PANX1: variants seen among roughly 807,000 people sequenced by gnomAD.
The protein encoded by PANX1 is pannexin 1, also known as pannexin-1.
In PANX1, 30 loss-of-function variants were observed where a neutral mutation model predicts 38.7. That is an observed-to-expected ratio of 0.78 (90% CI 0.58 to 1.05). The LOEUF (loss-of-function observed/expected upper bound fraction) is 1.05. Among genes scored for constraint, PANX1 ranks in the 50% least tolerant of loss-of-function variants. PANX1 has a pLI of 0.00. For missense variants in PANX1, 551 were observed against 517.2 expected (o/e 1.07, Z -0.63); for synonymous variants, 230 against 212.2 (o/e 1.08, Z -0.73).
At chr11:94,147,151 A>C (rs1946836662) in intron 1 of PANX1, among the ~76,000 whole-genome samples, 1 of 152,222 alleles carries the variant, frequency 6.6e-6, no homozygotes, top group African/African-American at 2.4e-5. Context: ...AAAATTTTCA[A>C]AATAAAATAT....
rs115472530 is a variant in PANX1, at chr11:94,180,393, C to T, written c.1201+136C>T. 1,642 of 709,374 alleles carry T rather than the reference C, an allele frequency of 2.3e-3. 15 individuals carry two copies. The African/African-American group carries it at 0.025, about 11-fold the overall frequency. The allele number at this position is 709,374 out of a possible 1,614,324, so 43.9% of individuals were successfully genotyped here. A position where few individuals can be genotyped will look rare whatever the true frequency, so the allele number is the denominator to read the frequency against. On this transcript the variant is annotated intron_variant, in intron 4 of 4. Transcript: ENST00000227638. Reference sequence around the variant, plus strand: ...CATTAAAAACCTTAATACCAAGGTGCGGGGTAGGGGGAGTGGGAACCCCTC... The same window carrying T: ...CATTAAAAACCTTAATACCAAGGTGTGGGGTAGGGGGAGTGGGAACCCCTC...
At chr11:94,153,889 A>G (rs1054678578) in intron 2 of PANX1, among the ~76,000 whole-genome samples, 9 of 152,148 alleles carry the variant, frequency 5.9e-5, no homozygotes, top group African/African-American at 2.2e-4. Flanking sequence ...GTGTCTTGAC[A>G]CCTTTATATC....
intron 1 of PANX1, among the ~76,000 whole-genome samples, chr11:94,151,214 A>G (rs979194882): frequency 2.6e-5 from 4 of 152,160 alleles, no homozygotes; most frequent in African/African-American, 9.7e-5. Context: ...AGAGCTTCAC[A>G]TGTTTCTGCC....
chr11:94,164,059 G>A (rs1270917101), intron 2 of PANX1, among the ~76,000 whole-genome samples: 1 of 151,470 alleles, frequency 6.6e-6, no homozygotes, highest in Non-Finnish European at 1.5e-5. Flanking sequence ...TTGAATTTCT[G>A]TGGTATGAAT....
intron 1 of PANX1, among the ~76,000 whole-genome samples, chr11:94,134,047 C>T (rs1946660332): frequency 6.6e-6 from 1 of 152,222 alleles, no homozygotes; most frequent in Admixed American, 6.5e-5. Flanking sequence ...GTAAAGGATG[C>T]ACATCGTCAT....
rs17856519 is a variant in PANX1, at chr11:94,129,322, G to C, written c.10G>C (p.Ala4Pro). 6.2e-7 allele frequency: 1 copy of C among 1,609,928 alleles called. No homozygotes were observed. Among genetic ancestry groups the C allele is most frequent in the Non-Finnish European group, 8.5e-7 (1 of 1,176,928 alleles). The change falls in exon 1 of 5, where the codon GCT becomes CCT. Residue 4 changes from alanine to proline, a missense_variant. By Grantham distance (27) the Ala-to-Pro change is conservative (BLOSUM62 -1). Transcript: ENST00000227638. ...CTGGCGCGCCGCAGCCATGGCCATC[G>C]CTCAACTGGCCACGGAGTACGTGTT... MAI[A>P]QLATEYVFSD...
intron 1 of PANX1, among the ~76,000 whole-genome samples, chr11:94,143,501 CTG>C (rs1165492909): frequency 4.6e-5 from 7 of 152,200 alleles, no homozygotes; most frequent in Non-Finnish European, 1.0e-4. Flanking sequence ...GAATTCTTAA[CTG>C]TGTGCTGGTA....
chr11:94,142,610 C>T (rs1226743503), intron 1 of PANX1, among the ~76,000 whole-genome samples: 3 of 152,336 alleles, frequency 2.0e-5, no homozygotes, highest in South Asian at 4.1e-4. Context: ...AGTCATTACC[C>T]TTATGTGATT....
chr11:94,181,039 G>T lies in PANX1; in HGVS notation c.*170G>T. On this transcript the variant is annotated 3_prime_UTR_variant, in exon 5 of 5. Coordinates refer to ENST00000227638, the MANE Select transcript of PANX1 (RefSeq NM_015368.4). ...GAAATGGTGATCAACAAAAGGTTAT[G>T]GAAGAATGGTTTATGAACTTCCCAT... is the stretch of plus-strand genomic sequence containing the variant. The T allele has an allele frequency of 1.7e-6, 1 of 593,392 alleles. No individual in the cohort carries two copies. 36.8% of individuals were successfully genotyped at this position (593,392 alleles called of 1,614,324 possible).
At chr11:94,158,261 G>A (rs1946979022) in intron 2 of PANX1, among the ~76,000 whole-genome samples, 1 of 151,990 alleles carries the variant, frequency 6.6e-6, no homozygotes. Context: ...GAACTTTAAA[G>A]TAGTTTTTTC....
intron 2 of PANX1, among the ~76,000 whole-genome samples, chr11:94,173,236 TG>T (rs1410889987): frequency 6.6e-6 from 1 of 151,734 alleles, no homozygotes; most frequent in African/African-American, 2.4e-5. Flanking sequence ...ATTCTCTTTT[TG>T]CCTGACCCTT....
chr11:94,156,522 C>T (rs75528027), intron 2 of PANX1, among the ~76,000 whole-genome samples: 2,115 of 152,088 alleles, frequency 0.014, 83 homozygotes, highest in East Asian at 0.14. Context: ...GAATAAGGGG[C>T]GATCCAGAAT....
chr11:94,160,102 A>G (rs556290817), intron 2 of PANX1, among the ~76,000 whole-genome samples: 3 of 152,152 alleles, frequency 2.0e-5, no homozygotes, highest in Admixed American at 6.5e-5. Context: ...ACAGTTTGTT[A>G]TAATTTCTGT....
At chr11:94,133,220 ATGGTAGGCAC>A (rs891760158) in intron 1 of PANX1, among the ~76,000 whole-genome samples, 1 of 152,204 alleles carries the variant, frequency 6.6e-6, no homozygotes, top group Non-Finnish European at 1.5e-5. Context: ...CAGGTCCTGC[ATGGTAGGCAC>A]TGGTGTGGGG....
rs576311404 is a variant in PANX1 at position 94,132,292 on chromosome 11, A to G, written c.181+2799A>G. On this transcript the variant is annotated intron_variant, in intron 1 of 4. Coordinates refer to ENST00000227638, the MANE Select transcript of PANX1 (RefSeq NM_015368.4). ...AGAAGTTGAACGCATAACCCTCCTA[A>G]TGCAGGATTCATGGAACCTGGGCAG... Among the ~76,000 whole-genome samples the G allele has an allele frequency of 4.6e-5, 7 of 152,292 alleles. 2 individuals carry two copies. The highest frequency in any genetic ancestry group is 1.7e-4 in the African/African-American group (7 of 41,564).
At chr11:94,139,286 CTAAG>C (rs541894202) in intron 1 of PANX1, among the ~76,000 whole-genome samples, 572 of 152,284 alleles carry the variant, frequency 3.8e-3, no homozygotes, top group Non-Finnish European at 6.5e-3. Flanking sequence ...GCTCAGCAAT[CTAAG>C]TGAGTGACTT....
Position 94,179,647 on chromosome 11 carries a change from G to T in PANX1, c.591G>T (p.Glu197Asp), listed in dbSNP as rs766720266. Reference protein sequence around the residue: ...SESHFKYPIVEQYLKTKKNSN... With the variant: ...SESHFKYPIVDQYLKTKKNSN... ...GCCACTTCAAGTACCCAATTGTGGA[G>T]CAGTACTTGAAGACAAAGAAAAATT... Residue 197 changes from glutamate (E) to aspartate (D), a missense_variant, in exon 4 of 5, where the codon GAG (glutamate) becomes GAT (aspartate). Glu to Asp is a conservative substitution (Grantham distance 45). Coordinates refer to ENST00000227638, the MANE Select transcript of PANX1 (RefSeq NM_015368.4). 2 of 1,613,344 alleles carry T rather than the reference G, an allele frequency of 1.2e-6. No individual in the cohort carries two copies. Among genetic ancestry groups the T allele is most frequent in the South Asian group, 1.1e-5 (1 of 90,968 alleles).
At chr11:94,144,262 T>A (rs553731947) in intron 1 of PANX1, among the ~76,000 whole-genome samples, 151 of 152,228 alleles carry the variant, frequency 9.9e-4, no homozygotes, top group African/African-American at 2.8e-3. Context: ...TTTCTTACAA[T>A]GCAAAAACCA....
intron 1 of PANX1, among the ~76,000 whole-genome samples, chr11:94,135,452 T>A (rs544175382): frequency 4.6e-5 from 7 of 152,190 alleles, no homozygotes; most frequent in African/African-American, 7.2e-5. Flanking sequence ...TTTAGACCTG[T>A]CTTTGGGAAT....
Sources: allele counts gnomAD v4.1 joint callset (sites outside exome capture counted in the v4.1 genomes callset), GRCh38; gene constraint gnomAD v4.1.1; transcripts MANE v1.5; gene names NCBI Gene and HGNC (gene_info 2026-07-23, HGNC 2026-07-21).